SGPL1: variants seen among roughly 807,000 people sequenced by gnomAD.
SGPL1 encodes sphingosine-1-phosphate lyase 1, also known as SP-lyase 1.
Under a neutral mutation model 68.9 loss-of-function variants are expected in SGPL1, and 37 were observed. That is an observed-to-expected ratio of 0.54 (90% CI 0.41 to 0.71). The LOEUF is 0.71. Among genes scored for constraint, SGPL1 ranks in the 30% least tolerant of loss-of-function variants. The pLI is 0.00. For synonymous variants in SGPL1, 236 were observed against 248.5 expected (o/e 0.95, Z 0.47); for missense variants, 551 against 704.6 (o/e 0.78, Z 2.47).
intron 2 of SGPL1, 110 bp downstream of exon 2, chr10:70,816,990 G>T (rs1432866605): frequency 1.9e-6 from 2 of 1,073,392 alleles, no homozygotes; most frequent in Non-Finnish European, 2.9e-6. Context: ...TTTGGTAGCT[G>T]AGCGTTTTGC....
chr10:70,853,429 C>T (rs1393980670), intron 4 of SGPL1, among the ~76,000 whole-genome samples: 1 of 152,190 alleles, frequency 6.6e-6, no homozygotes, highest in Non-Finnish European at 1.5e-5. Context: ...AGCTTCTCTC[C>T]CCAAACCTAC....
In SGPL1 at chr10:70,873,473, C is replaced by T. The variant is rs1846329988; in HGVS notation, c.1182C>T (p.Gly394=). ...TCTATGCTTCCCCAACCATCGCAGGCTCACGGCCTGGTGGCATTAGCGCAG... is the reference window on the plus strand; with the variant it reads ...TCTATGCTTCCCCAACCATCGCAGGTTCACGGCCTGGTGGCATTAGCGCAG... The part of the protein sequence containing the change: ...GGIYASPTIA[G]SRPGGISAAC... Residue 394 remains glycine, a synonymous_variant, in exon 12 of 15, where the codon GGC becomes GGT. Coordinates refer to ENST00000373202, the MANE Select transcript of SGPL1 (RefSeq NM_003901.4). 6.2e-7 allele frequency: 1 copy of T among 1,614,252 alleles called. No individual in the cohort carries two copies. Among genetic ancestry groups the T allele is most frequent in the Middle Eastern group, 1.6e-4 (1 of 6,062 alleles).
At position 70,868,344 on chromosome 10, in the gene SGPL1, G is replaced by C; in HGVS notation, c.616-1G>C. 1 of 1,606,884 alleles carries C rather than the reference G, an allele frequency of 6.2e-7. No homozygotes were observed. The highest frequency in any genetic ancestry group is 8.5e-7 in the Non-Finnish European group (1 of 1,176,332). On this transcript the variant is annotated splice_acceptor_variant, in intron 7 of 14. Transcript: ENST00000373202. LOFTEE classifies it high-confidence loss of function. ...CAGATGGCATCTCTTCTTTATTATA[G>C]GTGACTTCTGGGGGAACAGAAAGCA...
In SGPL1 at chr10:70,867,200, A is replaced by T. The variant is rs190254609; in HGVS notation, c.616-1145A>T. ...GATTCATTCTCATATATTATTTTTT[A>T]AAAAAATAGCCAGGTGGCTATGACA... On this transcript the variant is annotated intron_variant, in intron 7 of 14. Coordinates refer to ENST00000373202, the MANE Select transcript of SGPL1 (RefSeq NM_003901.4). Among the ~76,000 whole-genome samples the T allele has an allele frequency of 3.2e-3, 485 of 152,138 alleles. 1 individual carries two copies. Among genetic ancestry groups the T allele is most frequent in the African/African-American group, 0.011 (456 of 41,494 alleles).
chr10:70,854,581 A>G, intron 4 of SGPL1, 127 bp from the exon 5 acceptor site: 1 of 741,466 alleles, frequency 1.3e-6, no homozygotes, highest in South Asian at 1.9e-5. Context: ...ATATATCTTT[A>G]GGAAAAATGT....
intron 2 of SGPL1, among the ~76,000 whole-genome samples, chr10:70,841,324 T>A (rs1845710459): frequency 6.6e-6 from 1 of 152,158 alleles, no homozygotes; most frequent in Non-Finnish European, 1.5e-5. Context: ...AAGAGTATTG[T>A]CTGAGTCCAT....
intron 2 of SGPL1, chr10:70,820,458 T>C (rs1460442568): frequency 6.6e-6 from 1 of 152,060 alleles, no homozygotes; most frequent in Non-Finnish European, 1.5e-5. Flanking sequence ...AAATACATGT[T>C]TTATTATTAA....
Position 70,868,393 on chromosome 10 carries a change from C to A in SGPL1, c.664C>A (p.Arg222=). ...ESILMACKAY[R]DLAFEKGIKT... The stretch of plus-strand genomic sequence containing the variant: ...CATACTGATGGCCTGCAAAGCATAT[C>A]GGGATCTGGCCTTTGAGAAGGGGAT... Residue 222 remains arginine (R), a synonymous_variant, in exon 8 of 15, where the codon CGG becomes AGG. Coordinates refer to ENST00000373202, the MANE Select transcript of SGPL1 (RefSeq NM_003901.4). 6.2e-7 allele frequency: 1 copy of A among 1,613,666 alleles called. No homozygotes were observed. Among genetic ancestry groups the A allele is most frequent in the Non-Finnish European group, 8.5e-7 (1 of 1,179,752 alleles).
intron 4 of SGPL1, among the ~76,000 whole-genome samples, chr10:70,851,697 C>T (rs575603954): frequency 3.6e-4 from 55 of 152,170 alleles, no homozygotes; most frequent in African/African-American, 1.1e-3. Context: ...GGTCAGGGGT[C>T]GGCAAATGTT....
chr10:70,866,111 G>A (rs1266385590), intron 7 of SGPL1, among the ~76,000 whole-genome samples: 1 of 152,166 alleles, frequency 6.6e-6, no homozygotes, highest in East Asian at 1.9e-4. Context: ...TTAGGCCCAG[G>A]CACAGTGACT....
intron 2 of SGPL1, among the ~76,000 whole-genome samples, chr10:70,827,152 T>C (rs1845451603): frequency 6.6e-6 from 1 of 152,250 alleles, no homozygotes; most frequent in Non-Finnish European, 1.5e-5. Context: ...CAACAATATA[T>C]GAGAGTTATT....
Position 70,875,537 on chromosome 10 carries a change from G to A in SGPL1, c.1434G>A (p.Gln478=). 1 of 1,609,180 alleles carries A rather than the reference G, an allele frequency of 6.2e-7. No individual in the cohort carries two copies. The highest frequency in any genetic ancestry group is 8.5e-7 in the Non-Finnish European group (1 of 1,177,566). Residue 478 remains glutamine, a synonymous_variant, in exon 13 of 15, where the codon CAG becomes CAA. Coordinates refer to ENST00000373202, the MANE Select transcript of SGPL1 (RefSeq NM_003901.4). The part of the protein sequence containing the change: ...TAKGWNLNQL[Q]FPPSIHFCIT... ...AGGGGTGGAACTTGAACCAGTTGCA[G>A]TTCCCACCCAGGTAAGCTTGAAGAA...
At chr10:70,842,965 C>G (rs895717646) in intron 2 of SGPL1, among the ~76,000 whole-genome samples, 9 of 152,188 alleles carry the variant, frequency 5.9e-5, no homozygotes, top group Admixed American at 5.2e-4. Context: ...AGAAATGGTC[C>G]CTGCCATCAT....
intron 2 of SGPL1, among the ~76,000 whole-genome samples, chr10:70,818,078 A>G (rs1845269376): frequency 6.6e-6 from 1 of 152,148 alleles, no homozygotes; most frequent in Admixed American, 6.5e-5. Flanking sequence ...GTGGTATAGA[A>G]AAAGTGTCCG....
At chr10:70,835,735 CAAAA>C (rs66962270) in intron 2 of SGPL1, among the ~76,000 whole-genome samples, 5 of 70,116 alleles carry the variant, frequency 7.1e-5, no homozygotes, top group African/African-American at 1.8e-4. Context: ...GACTCCGTCT[CAAAA>C]AAAAAAAAAA....
chr10:70,859,577 A>G (rs1846018479), intron 7 of SGPL1, 78 bp downstream of exon 7: 1 of 713,198 alleles, frequency 1.4e-6, no homozygotes, highest in African/African-American at 1.9e-5. Flanking sequence ...TATTAATTAT[A>G]TTTTAAAAAA....
At chr10:70,862,692 C>G (rs539818506) in intron 7 of SGPL1, among the ~76,000 whole-genome samples, 248 of 152,066 alleles carry the variant, frequency 1.6e-3, no homozygotes, top group African/African-American at 5.7e-3. Context: ...GACGCGCTGC[C>G]TTAAGAGCTG....
chr10:70,871,327 T>C (rs1345386759), intron 10 of SGPL1, among the ~76,000 whole-genome samples, 181 bp downstream of exon 10: 1 of 152,224 alleles, frequency 6.6e-6, no homozygotes, highest in Middle Eastern at 3.2e-3. Context: ...TAAAAGTTGC[T>C]AGTCTCTGCT....
At chr10:70,868,278 G>A in intron 7 of SGPL1, 67 bp from the exon 8 acceptor site, 1 of 1,085,078 alleles carries the variant, frequency 9.2e-7, no homozygotes, top group Non-Finnish European at 1.4e-6. Context: ...ACATTGTCAA[G>A]ATCAGGGCAT....
Sources: gnomAD v4.1 joint callset for allele counts (sites outside exome capture counted in the v4.1 genomes callset) on GRCh38, gnomAD v4.1.1 for gene constraint, MANE v1.5 for transcripts, NCBI Gene and HGNC (gene_info 2026-07-23, HGNC 2026-07-21) for gene names.